CHD4: variants seen among roughly 807,000 people sequenced by gnomAD.
CHD4 encodes ATP-dependent chromatin remodeler CHD4.
CHD4 carries 35 observed loss-of-function variants against 235.5 expected under a neutral mutation model. That is an observed-to-expected ratio of 0.15 (90% CI 0.11 to 0.20). CHD4 has a LOEUF of 0.20. Among genes scored for constraint, CHD4 ranks in the 10% least tolerant of loss-of-function variants. The probability of loss-of-function intolerance (pLI) is 1.00; values close to 1 mark genes in which losing one functional copy is unlikely to be tolerated. For synonymous variants in CHD4, 900 were observed against 850.2 expected, an observed-to-expected ratio of 1.06 and a Z score of -1.02; for missense variants, 1,329 against 2,432.3, an observed-to-expected ratio of 0.55 and a Z score of 9.54.
At chr12:6,579,513 G>A (rs1387187233) in intron 33 of CHD4, 2 of 159,906 alleles carry the variant, frequency 1.3e-5, no homozygotes, top group Admixed American at 1.2e-4. Context: ...GAACCCAGGA[G>A]GTGGAGGTTG....
chr12:6,575,108 G>A (rs994289549), intron 37 of CHD4, among the ~76,000 whole-genome samples: 3 of 151,752 alleles, frequency 2.0e-5, no homozygotes, highest in African/African-American at 7.2e-5. Context: ...TTGAGTATAT[G>A]CAACAGAGAC....
chr12:6,594,920 A>G (rs1948460195), intron 14 of CHD4, among the ~76,000 whole-genome samples: 1 of 152,220 alleles, frequency 6.6e-6, no homozygotes, highest in African/African-American at 2.4e-5. Flanking sequence ...TAATTCTACT[A>G]GTCAGGATCC....
At position 6,602,190 on chromosome 12, in the gene CHD4, G is replaced by A. The variant is rs778670261; in HGVS notation, c.223-15C>T. On this transcript the variant is annotated splice_polypyrimidine_tract_variant and intron_variant, in intron 3 of 39. Transcript: ENST00000544040. ...AAGAGCATACGCTGGAGCAGGGCAA[G>A]GGGGGAAGAGGGAGACAGACACACA... 15 of 1,612,790 alleles carry A rather than the reference G, an allele frequency of 9.3e-6. No individual in the cohort carries two copies. In the African/African-American group the frequency reaches 9.4e-5, roughly 10 times the overall value.
chr12:6,580,881 T>C, intron 33 of CHD4, 163 bp downstream of exon 33: 1 of 723,950 alleles, frequency 1.4e-6, no homozygotes, highest in Non-Finnish European at 2.3e-6. Context: ...ATGGCGTCTG[T>C]CTGTAATCCC....
At position 6,603,572 on chromosome 12, in the gene CHD4, G is replaced by GC. The variant is rs1038439077; in HGVS notation, c.101-1076_101-1075insG. Among the ~76,000 whole-genome samples the GC allele has an allele frequency of 8.1e-4, 123 of 151,340 alleles. 2 individuals are homozygous for GC. The highest frequency in any genetic ancestry group is 2.4e-4 in the Non-Finnish European group (16 of 67,814). The stretch of plus-strand genomic sequence containing the variant: ...TTTGAGAGAGGTGGGGTGGCGGGGG[G>GC]GGAGACTGCCCTCATAGAAGCCTCC... On this transcript the variant is annotated intron_variant, in intron 2 of 39. Transcript: ENST00000544040.
At chr12:6,588,638 C>T (rs890465848) in intron 22 of CHD4, among the ~76,000 whole-genome samples, 2 of 151,972 alleles carry the variant, frequency 1.3e-5, no homozygotes, top group Non-Finnish European at 1.5e-5. Flanking sequence ...ATTAGCCAGG[C>T]GTGGTGGTAT....
chr12:6,606,209 G>A lies in CHD4; in HGVS notation c.100+65C>T, dbSNP rs1366155338. ...GGAGCAACACAGCCCTGCCTCACCAGAGGAGTCACTCGGGAGAGCCCCAGA... is the reference window on the plus strand; with the variant it reads ...GGAGCAACACAGCCCTGCCTCACCAAAGGAGTCACTCGGGAGAGCCCCAGA... On this transcript the variant is annotated intron_variant, in intron 2 of 39. Transcript: ENST00000544040. 7.3e-6 allele frequency: 8 copies of A among 1,103,412 alleles called. No individual in the cohort carries two copies. The East Asian group carries it at 1.4e-4, about 19-fold the overall frequency. The allele number at this position is 1,103,412 out of a possible 1,614,324, so 68.4% of individuals were successfully genotyped here.
rs1428386570 is a variant in CHD4, at chr12:6,600,934, T to G, written c.919A>C (p.Arg307=). Reference sequence around the variant, plus strand: ...ATGGGCTGGGCTCTCACCGAGGATCTCTTACGCTTGGAACCAAAACCTCCC... The same window carrying G: ...ATGGGCTGGGCTCTCACCGAGGATCGCTTACGCTTGGAACCAAAACCTCCC... ...KLGGFGSKRK[R]SSSEDDDLDV... Residue 307 remains arginine (R), a synonymous_variant, in exon 7 of 40, where the codon AGA becomes CGA. Coordinates refer to ENST00000544040, the MANE Select transcript of CHD4 (RefSeq NM_001273.5). 1.3e-6 allele frequency: 2 copies of G among 1,590,278 alleles called. No homozygotes were observed.
Position 6,578,496 on chromosome 12 carries a change from C to T in CHD4, c.5032G>A (p.Glu1678Lys). The stretch of plus-strand genomic sequence containing the variant: ...TCATCATTCAGGTCCTTGGGGGTCT[C>T]TCCATTCTGAAGCATCACCTCTTTT... ...EKKEVMLQNGETPKDLNDEKQ... is the reference protein window; with the variant it reads ...EKKEVMLQNGKTPKDLNDEKQ... Residue 1678 changes from glutamate to lysine, a missense_variant, in exon 35 of 40, where the codon GAG (glutamate) becomes AAG (lysine). Glu to Lys is a moderately conservative substitution (Grantham distance 56). Around this residue, in one of 26 missense-constraint regions of CHD4, gnomAD observed 219 missense variants for 219.3 expected, o/e 1.00. Coordinates refer to ENST00000544040, the MANE Select transcript of CHD4 (RefSeq NM_001273.5). 6.2e-7 allele frequency: 1 copy of T among 1,613,650 alleles called. No individual in the cohort carries two copies. The highest frequency in any genetic ancestry group is 8.5e-7 in the Non-Finnish European group (1 of 1,179,982).
At chr12:6,606,224 A>G (rs757775899) in intron 2 of CHD4, 50 bp downstream of exon 2, 8 of 1,256,336 alleles carry the variant, frequency 6.4e-6, no homozygotes, top group Non-Finnish European at 9.1e-6. Context: ...GTCACTCGGG[A>G]GAGCCCCAGA....
chr12:6,590,579 G>T (rs1221678813), intron 22 of CHD4, among the ~76,000 whole-genome samples: 2 of 152,092 alleles, frequency 1.3e-5, no homozygotes, highest in African/African-American at 4.8e-5. Context: ...AATACTTTGG[G>T]AGGCCAAGGC....
intron 33 of CHD4, among the ~76,000 whole-genome samples, chr12:6,579,957 G>A (rs1423468432): frequency 3.3e-5 from 5 of 151,198 alleles, no homozygotes; most frequent in African/African-American, 1.2e-4. Context: ...TCAGGAGGCT[G>A]AGGCAGGAGA....
chr12:6,600,373 C>A lies in CHD4; in HGVS notation c.1086G>T (p.Val362=). ...CCTGGTGGTCTGTCTCATAACCATC[C>A]ACAGCAGTCACCTCCTCCTCGCCTG... ...KKKGEEEVTA[V]DGYETDHQDY... The change falls in exon 9 of 40, where the codon GTG becomes GTT. Residue 362 remains valine, a synonymous_variant. Coordinates refer to ENST00000544040, the MANE Select transcript of CHD4 (RefSeq NM_001273.5). The A allele has an allele frequency of 6.2e-7, 1 of 1,614,070 alleles. No individual in the cohort carries two copies. Among genetic ancestry groups the A allele is most frequent in the Non-Finnish European group, 8.5e-7 (1 of 1,180,006 alleles).
Position 6,570,600 on chromosome 12 carries a change from C to G in CHD4, c.*76G>C. ...AAGGAAGGTGAGGGTCTCTCAGGCC[C>G]CCAGGGGAGAAGCTGGGACAAGAGA... On this transcript the variant is annotated 3_prime_UTR_variant, in exon 40 of 40. Transcript: ENST00000544040. 1 of 1,588,006 alleles carries G rather than the reference C, an allele frequency of 6.3e-7. No individual in the cohort carries two copies. The highest frequency in any genetic ancestry group is 8.6e-7 in the Non-Finnish European group (1 of 1,157,052).
rs762951792 is a variant in CHD4 at position 6,601,325 on chromosome 12, C to T, written c.763G>A (p.Val255Met). 1.2e-6 allele frequency: 2 copies of T among 1,614,160 alleles called. No individual in the cohort carries two copies. Among genetic ancestry groups the T allele is most frequent in the East Asian group, 4.5e-5 (2 of 44,866 alleles). Residue 255 changes from valine to methionine, a missense_variant, in exon 6 of 40, where the codon GTG becomes ATG. Around this residue, in one of 26 missense-constraint regions of CHD4, gnomAD observed 160 missense variants for 196.6 expected, o/e 0.81. Transcript: ENST00000544040. Reference sequence around the variant, plus strand: ...TTGGTCTTGGCCTTGCGGATAGGCACCTCCACAGGGGGAGGTGGTGGTGCA... The same window carrying T: ...TTGGTCTTGGCCTTGCGGATAGGCATCTCCACAGGGGGAGGTGGTGGTGCA... ...EVAPPPPPVE[V>M]PIRKAKTKEG...
At chr12:6,594,794 T>G in intron 14 of CHD4, 144 bp from the exon 15 acceptor site, 1 of 679,234 alleles carries the variant, frequency 1.5e-6, no homozygotes, top group Non-Finnish European at 2.4e-6. Flanking sequence ...TCCCCTATGA[T>G]TACTGCAATT....
chr12:6,581,516 C>T (rs1051742094), intron 31 of CHD4, 128 bp from the exon 32 acceptor site: 21 of 1,502,762 alleles, frequency 1.4e-5, no homozygotes, highest in East Asian at 1.1e-4. Flanking sequence ...ATTCTTAGGA[C>T]GGCCCTCCTA....
chr12:6,599,649 GGA>G, intron 10 of CHD4, 122 bp downstream of exon 10: 1 of 1,204,474 alleles, frequency 8.3e-7, no homozygotes, highest in East Asian at 2.4e-5. Context: ...ATAGGATGAA[GGA>G]GAATACCTTT....
intron 11 of CHD4, 47 bp from the exon 12 acceptor site, chr12:6,598,146 C>T (rs757201869): frequency 6.2e-7 from 1 of 1,612,022 alleles, no homozygotes; most frequent in South Asian, 1.1e-5. Flanking sequence ...TGTGTTCATT[C>T]CTTCTATCCA....
Sources: allele counts gnomAD v4.1 joint callset (sites outside exome capture counted in the v4.1 genomes callset), GRCh38; gene constraint gnomAD v4.1.1; regional missense constraint gnomAD v4.1.1; transcripts MANE v1.5; gene names NCBI Gene and HGNC (gene_info 2026-07-23, HGNC 2026-07-21).